HECTD4: variants seen among roughly 807,000 people sequenced by gnomAD.
HECTD4 encodes the protein probable E3 ubiquitin-protein ligase HECTD4.
HECTD4 carries 114 observed loss-of-function variants against 471.5 expected under a neutral mutation model. The ratio of observed to expected loss-of-function variants is 0.24; its 90% CI spans 0.21 to 0.28. The LOEUF is 0.28. HECTD4 is among the 10% of genes least tolerant of loss of function. HECTD4 has a pLI of 1.00. For synonymous variants in HECTD4, 2,012 were observed against 2,256.0 expected (o/e 0.89, Z 3.07); for missense variants, 3,866 against 5,651.5 (o/e 0.68, Z 10.13).
At chr12:112,346,833 G>A (rs1291432700) in intron 1 of HECTD4, among the ~76,000 whole-genome samples, 1 of 152,154 alleles carries the variant, frequency 6.6e-6, no homozygotes, top group Non-Finnish European at 1.5e-5. Context: ...GAGAAAAGGA[G>A]ACAGAATTTC....
intron 4 of HECTD4, among the ~76,000 whole-genome samples, chr12:112,310,692 A>G (rs1712773970): frequency 6.6e-6 from 1 of 152,254 alleles, no homozygotes; most frequent in Admixed American, 6.5e-5. Context: ...TGGTTCCTCA[A>G]TGAAAAAATT....
At chr12:112,236,879 A>G in intron 35 of HECTD4, 66 bp downstream of exon 35, 2 of 1,405,960 alleles carry the variant, frequency 1.4e-6, no homozygotes, top group Non-Finnish European at 1.9e-6. Context: ...CCACCACCAA[A>G]AGAAACCCCA....
At chr12:112,333,188 T>C (rs892333817) in intron 1 of HECTD4, among the ~76,000 whole-genome samples, 31 of 152,218 alleles carry the variant, frequency 2.0e-4, no homozygotes, top group Non-Finnish European at 3.5e-4. Context: ...TATACAGACA[T>C]GTTTCCATCC....
rs1321838031 is a variant in HECTD4, at chr12:112,194,713, C to T, written c.8749+172G>A. Among the ~76,000 whole-genome samples, 5 of 152,290 alleles carry T rather than the reference C, an allele frequency of 3.3e-5. No individual in the cohort carries two copies. The highest frequency in any genetic ancestry group is 2.1e-4 in the South Asian group (1 of 4,834). On this transcript the variant is annotated intron_variant, in intron 56 of 75. Coordinates refer to ENST00000682272, the MANE Select transcript of HECTD4 (RefSeq NM_001388303.1). This position sits in a 1 kb window ranked among gnomAD's most constrained non-coding sequence, Gnocchi z 4.6. ...CAAGTGAGTAATCCATTACATTTTT[C>T]GAAGAGTGAGAAAGCCCTGCCAGGA...
Position 112,239,079 on chromosome 12 carries a change from G to T in HECTD4, c.5263C>A (p.Arg1755Ser). 6.2e-7 allele frequency: 1 copy of T among 1,613,388 alleles called. No individual in the cohort carries two copies. Among genetic ancestry groups the T allele is most frequent in the South Asian group, 1.1e-5 (1 of 90,906 alleles). The part of the protein sequence containing the change: ...AWAAFQVLAN[R>S]CVEWEKEEGG... ...TCCTCTTTTTCCCACTCAACACAGCGGTTGGCAAGCACCTGGAAGGCAGCC... is the reference window on the plus strand; with the variant it reads ...TCCTCTTTTTCCCACTCAACACAGCTGTTGGCAAGCACCTGGAAGGCAGCC... Residue 1755 changes from arginine (R) to serine (S), a missense_variant, in exon 34 of 76, where the codon CGC becomes AGC. Coordinates refer to ENST00000682272, the MANE Select transcript of HECTD4 (RefSeq NM_001388303.1). The surrounding 1 kb of genome is among the most constrained non-coding windows in gnomAD (Gnocchi z 4.9).
chr12:112,181,122 C>T (rs1378731853), intron 62 of HECTD4, among the ~76,000 whole-genome samples: 3 of 149,704 alleles, frequency 2.0e-5, no homozygotes, highest in African/African-American at 7.4e-5. Flanking sequence ...GAGCTGAGAT[C>T]GCACCACTGC....
At chr12:112,238,525 A>G (rs929419912) in intron 34 of HECTD4, among the ~76,000 whole-genome samples, 3 of 152,164 alleles carry the variant, frequency 2.0e-5, no homozygotes, top group Non-Finnish European at 4.4e-5. Context: ...TTTGAGACCA[A>G]CCTGGGCAAC....
At chr12:112,214,236 A>G (rs1396076442) in intron 48 of HECTD4, among the ~76,000 whole-genome samples, 1 of 152,170 alleles carries the variant, frequency 6.6e-6, no homozygotes, top group African/African-American at 2.4e-5. Context: ...AAGCCTGTCA[A>G]TTGCATCGGC....
chr12:112,240,662 G>A (rs992161603), intron 32 of HECTD4, among the ~76,000 whole-genome samples: 1 of 151,888 alleles, frequency 6.6e-6, no homozygotes, highest in Non-Finnish European at 1.5e-5. Context: ...TGTTGCCCAG[G>A]CTGGTTTCAA....
At chr12:112,192,066 C>T (rs1398352129) in intron 59 of HECTD4, among the ~76,000 whole-genome samples, 2 of 152,154 alleles carry the variant, frequency 1.3e-5, no homozygotes, top group African/African-American at 4.8e-5. Context: ...GGAGGCAGAG[C>T]CCTCATCTAA....
At position 112,239,026 on chromosome 12, in the gene HECTD4, C is replaced by T; in HGVS notation, c.5290+26G>A. 1 of 1,584,552 alleles carries T rather than the reference C, an allele frequency of 6.3e-7. No homozygotes were observed. Among genetic ancestry groups the T allele is most frequent in the Non-Finnish European group, 8.6e-7 (1 of 1,166,354 alleles). ...CACACCAATAGAAGAAATCAGTGAG[C>T]TCTAGAAAGGAGTCTGGCATCTCAC... On this transcript the variant is annotated intron_variant, in intron 34 of 75. Transcript: ENST00000682272. The surrounding 1 kb of genome is among the most constrained non-coding windows in gnomAD (Gnocchi z 4.9).
chr12:112,247,605 A>C, intron 27 of HECTD4, 55 bp from the exon 28 acceptor site: 1 of 747,006 alleles, frequency 1.3e-6, no homozygotes, highest in Non-Finnish European at 2.1e-6. Flanking sequence ...TTTACTATAC[A>C]TATATTAAAA....
chr12:112,247,325 T>C, intron 28 of HECTD4, 137 bp downstream of exon 28: 2 of 677,986 alleles, frequency 2.9e-6, no homozygotes, highest in African/African-American at 1.9e-5. Context: ...ATTTCCAATT[T>C]ACCAAATGAG....
At chr12:112,347,036 C>A (rs1055537980) in intron 1 of HECTD4, among the ~76,000 whole-genome samples, 2 of 152,108 alleles carry the variant, frequency 1.3e-5, no homozygotes, top group African/African-American at 4.8e-5. Flanking sequence ...TGGGTTGAAT[C>A]TGGCCTTCTA....
chr12:112,298,056 GA>G (rs1316165747), intron 7 of HECTD4, among the ~76,000 whole-genome samples: 9 of 152,286 alleles, frequency 5.9e-5, no homozygotes, highest in African/African-American at 2.2e-4. Flanking sequence ...AACTTCGGAA[GA>G]ACTGTTTAGT....
At chr12:112,298,408 A>G (rs1447214887) in intron 7 of HECTD4, among the ~76,000 whole-genome samples, 1 of 152,112 alleles carries the variant, frequency 6.6e-6, no homozygotes, top group Non-Finnish European at 1.5e-5. Flanking sequence ...TCTGTACTAA[A>G]CATGGAAATT....
chr12:112,255,258 G>A (rs1474978931), intron 21 of HECTD4, among the ~76,000 whole-genome samples: 1 of 152,168 alleles, frequency 6.6e-6, no homozygotes, highest in Non-Finnish European at 1.5e-5. Flanking sequence ...GGAAATGGGG[G>A]TAGCCAATGC....
intron 1 of HECTD4, among the ~76,000 whole-genome samples, chr12:112,365,195 T>C (rs1183181529): frequency 6.6e-6 from 1 of 152,244 alleles, no homozygotes. Context: ...ATTTTTAATT[T>C]AAATATATTT....
At chr12:112,335,550 C>A (rs2035939444) in intron 1 of HECTD4, among the ~76,000 whole-genome samples, 1 of 151,886 alleles carries the variant, frequency 6.6e-6, no homozygotes, top group Non-Finnish European at 1.5e-5. Context: ...TAGCTGGGCA[C>A]AGTGGTGCGC....
Sources: gnomAD v4.1 joint callset for allele counts (sites outside exome capture counted in the v4.1 genomes callset) on GRCh38, gnomAD v4.1.1 for gene constraint, Gnocchi (gnomAD v3.1) non-coding constraint, MANE v1.5 for transcripts, NCBI Gene and HGNC (gene_info 2026-07-23, HGNC 2026-07-21) for gene names.